SLC9A6: variants seen among roughly 807,000 people sequenced by gnomAD.
SLC9A6 encodes the protein solute carrier family 9 member A6.
In SLC9A6, 6 loss-of-function variants were observed where a neutral mutation model predicts 45.3. That is an observed-to-expected ratio of 0.13 (90% CI 0.07 to 0.26). The LOEUF (loss-of-function observed/expected upper bound fraction) is 0.26. SLC9A6 is among the 10% of genes least tolerant of loss of function. The pLI is 1.00. For synonymous variants in SLC9A6, 191 were observed against 187.7 expected (o/e 1.02, Z -0.14); for missense variants, 278 against 503.7 (o/e 0.55, Z 4.29).
At chrX:136,041,708 C>T (rs1440365218) in intron 17 of SLC9A6, among the ~76,000 whole-genome samples, 3 of 112,244 alleles carry the variant, frequency 2.7e-5, no homozygotes, top group African/African-American at 6.5e-5. Context: ...TGGAATGTAG[C>T]GAAACACAAC....
intron 16 of SLC9A6, among the ~76,000 whole-genome samples, chrX:136,036,835 T>A (rs1391739251): frequency 8.8e-6 from 1 of 113,111 alleles, no homozygotes; most frequent in Non-Finnish European, 1.9e-5. Flanking sequence ...TCTAGAAGTA[T>A]GATTGCTTTA....
chrX:136,040,560 A>G (rs2071490678), intron 17 of SLC9A6, among the ~76,000 whole-genome samples: 2 of 111,811 alleles, frequency 1.8e-5, no homozygotes, highest in South Asian at 3.7e-4. Context: ...TTTTAAAACA[A>G]TTTTGACATC....
intron 7 of SLC9A6, among the ~76,000 whole-genome samples, chrX:136,003,608 T>G (rs2089613210): frequency 8.9e-6 from 1 of 112,000 alleles, no homozygotes; most frequent in Admixed American, 9.5e-5. Flanking sequence ...TTATACATGT[T>G]TAGGTATAAT....
chrX:136,041,997 C>T (rs782556125), intron 17 of SLC9A6, among the ~76,000 whole-genome samples: 2 of 110,229 alleles, frequency 1.8e-5, no homozygotes, highest in African/African-American at 3.3e-5. Context: ...ACTTCCGTGT[C>T]CAAATTTCTC....
intron 3 of SLC9A6, among the ~76,000 whole-genome samples, 169 bp from the exon 4 acceptor site, chrX:135,997,939 G>C (rs2089529005): frequency 1.8e-5 from 2 of 111,931 alleles, no homozygotes; most frequent in South Asian, 7.4e-4. Flanking sequence ...TGGTCGTTTG[G>C]TTGAGAAGTA....
chrX:136,028,061 T>C (rs1556620725), intron 13 of SLC9A6, among the ~76,000 whole-genome samples: 1 of 112,495 alleles, frequency 8.9e-6, no homozygotes, highest in African/African-American at 3.2e-5. Context: ...TTTCCCTCTG[T>C]TCTTTTCCCT....
intron 16 of SLC9A6, among the ~76,000 whole-genome samples, chrX:136,035,919 A>AT (rs200801813): frequency 3.2e-3 from 294 of 90,809 alleles, no homozygotes; most frequent in East Asian, 6.8e-3. Context: ...ACACCCAGCT[A>AT]TTTTTTTTTT....
At chrX:136,026,433 T>G (rs2071226817) in intron 13 of SLC9A6, among the ~76,000 whole-genome samples, 1 of 112,269 alleles carries the variant, frequency 8.9e-6, no homozygotes, top group African/African-American at 3.2e-5. Context: ...CTAATATCTG[T>G]AAAGTTCTTA....
At chrX:136,001,285 C>G (rs1183581152) in intron 6 of SLC9A6, among the ~76,000 whole-genome samples, 3 of 95,954 alleles carry the variant, frequency 3.1e-5, no homozygotes, top group Non-Finnish European at 6.0e-5. Context: ...TGCAGTGAGC[C>G]GAGATTGCGC....
intron 1 of SLC9A6, among the ~76,000 whole-genome samples, chrX:135,979,349 A>G (rs1410252063): frequency 1.8e-5 from 2 of 111,462 alleles, no homozygotes; most frequent in Non-Finnish European, 3.8e-5. Context: ...CGTCAATATT[A>G]TGCATATAGC....
At chrX:135,990,339 A>G (rs1352807811) in intron 2 of SLC9A6, among the ~76,000 whole-genome samples, 1 of 111,439 alleles carries the variant, frequency 9.0e-6, no homozygotes, top group Non-Finnish European at 1.9e-5. Context: ...CATAATATAA[A>G]TATTTTCTGT....
chrX:136,041,563 C>CA (rs2071511695), intron 17 of SLC9A6, among the ~76,000 whole-genome samples: 1 of 111,554 alleles, frequency 9.0e-6, no homozygotes, highest in South Asian at 3.8e-4. Flanking sequence ...TCCACCATGC[C>CA]CTGTTAACCC....
chrX:135,993,226 A>G (rs1338652640), intron 2 of SLC9A6, among the ~76,000 whole-genome samples: 2 of 111,968 alleles, frequency 1.8e-5, no homozygotes, highest in Admixed American at 9.5e-5. Context: ...ATGTCTAGAA[A>G]AGACAGGTCC....
At chrX:136,027,441 A>G (rs1242909764) in intron 13 of SLC9A6, among the ~76,000 whole-genome samples, 2 of 111,828 alleles carry the variant, frequency 1.8e-5, no homozygotes, top group African/African-American at 6.5e-5. Context: ...TGAACAGGAA[A>G]AAAACTCTCA....
chrX:136,034,043 G>A, intron 16 of SLC9A6, among the ~76,000 whole-genome samples: 1 of 110,987 alleles, frequency 9.0e-6, no homozygotes. Context: ...TTCTTGCCCT[G>A]TTGTAAGTCT....
chrX:136,033,157 C>T (rs1442966439), intron 15 of SLC9A6: 4 of 240,412 alleles, frequency 1.7e-5, no homozygotes, highest in Non-Finnish European at 3.1e-5. Flanking sequence ...CCACCACACC[C>T]GGCCCCCACA....
chrX:136,019,188 C>T, intron 11 of SLC9A6, among the ~76,000 whole-genome samples: 2 of 112,292 alleles, frequency 1.8e-5, no homozygotes, highest in East Asian at 5.6e-4. Flanking sequence ...AAGACTCAAA[C>T]TAATCCAGGT....
chrX:135,986,762 G>A (rs2089345744), intron 2 of SLC9A6, among the ~76,000 whole-genome samples: 2 of 110,895 alleles, frequency 1.8e-5, no homozygotes, highest in Non-Finnish European at 3.8e-5. Flanking sequence ...CAAAGTGTGG[G>A]CTCAGAGGCA....
chrX:136,030,423 G>A (rs1304627107), intron 15 of SLC9A6: 6 of 384,798 alleles, frequency 1.6e-5, no homozygotes, highest in Non-Finnish European at 2.7e-5. Context: ...TGTCCCAGAG[G>A]AGAGCAGTCT....
Sources: allele counts gnomAD v4.1 joint callset (sites outside exome capture counted in the v4.1 genomes callset), GRCh38; gene constraint gnomAD v4.1.1; transcripts MANE v1.5; gene names NCBI Gene and HGNC (gene_info 2026-07-23, HGNC 2026-07-21).